The following TRIP11 variants were observed in gnomAD, a reference collection of about 807,000 sequenced individuals.
TRIP11 encodes the protein thyroid receptor-interacting protein 11.
In TRIP11, 148 loss-of-function variants were observed where a neutral mutation model predicts 223.1. That is an observed-to-expected ratio of 0.66 (90% CI 0.58 to 0.76). The LOEUF is 0.76. Among genes scored for constraint, TRIP11 ranks in the 30% least tolerant of loss-of-function variants. TRIP11 has a pLI of 0.00. For synonymous variants in TRIP11, 762 were observed against 772.6 expected (o/e 0.99, Z 0.23); for missense variants, 2,043 against 2,222.0 (o/e 0.92, Z 1.62).
intron 20 of TRIP11, 121 bp from the exon 21 acceptor site, chr14:91,970,014 A>T (rs1310914017): frequency 2.0e-6 from 2 of 1,023,836 alleles, no homozygotes; most frequent in African/African-American, 3.2e-5. Context: ...AGCATAGATA[A>T]ATAAAAATAA....
At chr14:91,970,115 A>C (rs1176544032) in intron 20 of TRIP11, among the ~76,000 whole-genome samples, 1 of 152,190 alleles carries the variant, frequency 6.6e-6, no homozygotes, top group African/African-American at 2.4e-5. Flanking sequence ...TTTATTCAAA[A>C]TGAAAACGCA....
At chr14:91,989,329 GT>G (rs947145359) in intron 15 of TRIP11, among the ~76,000 whole-genome samples, 1 of 149,678 alleles carries the variant, frequency 6.7e-6, no homozygotes, top group East Asian at 2.0e-4. Flanking sequence ...AGGGTCTGTT[GT>G]TTTTTTTTCC....
In TRIP11 at chr14:92,006,455, GAA is replaced by G; in HGVS notation, c.1528-9_1528-8del. 6.2e-7 allele frequency: 1 copy of G among 1,611,444 alleles called. No individual in the cohort carries two copies. Among genetic ancestry groups the G allele is most frequent in the Non-Finnish European group, 8.5e-7 (1 of 1,179,620 alleles). On this transcript the variant is annotated splice_region_variant and splice_polypyrimidine_tract_variant and intron_variant, in intron 10 of 20. Transcript: ENST00000267622. Reference sequence around the variant, plus strand: ...CTTTTATCAAAATCATGTGCTGAAAGAAAAATTTGCATGGTGACTTTACAACA... The same window carrying G: ...CTTTTATCAAAATCATGTGCTGAAAGAAATTTGCATGGTGACTTTACAACA...
chr14:92,004,351 G>A lies in TRIP11; in HGVS notation c.3625C>T (p.Gln1209Ter). The A allele has an allele frequency of 1.2e-6, 2 of 1,614,052 alleles. No homozygotes were observed. Among genetic ancestry groups the A allele is most frequent in the South Asian group, 1.1e-5 (1 of 91,080 alleles). Residue 1209 changes from glutamine to a stop codon, truncating the protein, a stop_gained, in exon 11 of 21, where the codon CAG (glutamine) becomes TAG (stop). Coordinates refer to ENST00000267622, the MANE Select transcript of TRIP11 (RefSeq NM_004239.4). LOFTEE classifies it high-confidence loss of function. ...TGCTGTTTTAACTTGTCACGTTCCT[G>A]TAGAAGCTCCTCAAATTGATTACTA... ...VNSNQFEELL[Q>*]ERDKLKQQVK...
chr14:92,006,829 C>T (rs561708122), intron 10 of TRIP11, among the ~76,000 whole-genome samples: 2 of 151,966 alleles, frequency 1.3e-5, no homozygotes, highest in African/African-American at 2.4e-5. Flanking sequence ...CCACCACACC[C>T]GGCTAATTTT....
rs757078801 is a variant in TRIP11, at chr14:92,025,377, T to A, written c.245A>T (p.His82Leu). Residue 82 changes from histidine to leucine, a missense_variant, in exon 3 of 21, where the codon CAT (histidine) becomes CTT (leucine). Physicochemically the swap from His to Leu is moderately conservative, Grantham distance 99 (BLOSUM62 -3). Transcript: ENST00000267622. The stretch of plus-strand genomic sequence containing the variant: ...CTTTATTTGAATCTCTGATGCTTCA[T>A]GTTTCTCTTCTAGATCAGTACAAAG... ...KKLCTDLEEK[H>L]EASEIQIKQQ... 2.5e-6 allele frequency: 4 copies of A among 1,613,566 alleles called. No homozygotes were observed. The African/African-American group carries it at 4.0e-5, about 16-fold the overall frequency.
In TRIP11 at chr14:91,968,629, A is replaced by G. The variant is rs141846781; in HGVS notation, c.*1044T>C. The G allele has an allele frequency of 1.9e-3, 423 of 223,540 alleles. 1 individual carries two copies. The highest frequency in any genetic ancestry group is 8.8e-3 in the African/African-American group (393 of 44,834). 13.8% of individuals were successfully genotyped at this position (223,540 alleles called of 1,614,324 possible). A position where few individuals can be genotyped will look rare whatever the true frequency, so the allele number is the denominator to read the frequency against. Reference sequence around the variant, plus strand: ...TTTAAGATGGTATCTTTAAATAGATACCTTAGCTGTTAAAACTAAGTGATA... The same window carrying G: ...TTTAAGATGGTATCTTTAAATAGATGCCTTAGCTGTTAAAACTAAGTGATA... On this transcript the variant is annotated 3_prime_UTR_variant, in exon 21 of 21. Transcript: ENST00000267622.
chr14:91,988,206 G>A, intron 16 of TRIP11, 78 bp downstream of exon 16: 9 of 1,180,588 alleles, frequency 7.6e-6, no homozygotes, highest in Non-Finnish European at 1.1e-5. Flanking sequence ...ACTCAACTAT[G>A]CCAATTTATG....
chr14:92,015,106 G>A (rs775777551), intron 6 of TRIP11, among the ~76,000 whole-genome samples: 26 of 151,950 alleles, frequency 1.7e-4, no homozygotes, highest in Admixed American at 1.3e-4. Context: ...ATTTCGCCAT[G>A]TTGGCCAGGC....
chr14:91,998,604 C>T (rs997528460), intron 13 of TRIP11, among the ~76,000 whole-genome samples: 1 of 151,320 alleles, frequency 6.6e-6, no homozygotes, highest in Admixed American at 6.6e-5. Context: ...TATAAAAAGG[C>T]ACACAAAAAG....
In TRIP11 at chr14:91,969,645, G is replaced by C; in HGVS notation, c.*28C>G. The C allele has an allele frequency of 6.2e-7, 1 of 1,605,520 alleles. No homozygotes were observed. Among genetic ancestry groups the C allele is most frequent in the Non-Finnish European group, 8.5e-7 (1 of 1,173,926 alleles). ...ATAGTGTTCATGGTTTCTTTAAAGTGCTAGATTGTCTCTGGCTTGAGAATC... is the reference window on the plus strand; with the variant it reads ...ATAGTGTTCATGGTTTCTTTAAAGTCCTAGATTGTCTCTGGCTTGAGAATC... On this transcript the variant is annotated 3_prime_UTR_variant, in exon 21 of 21. Coordinates refer to ENST00000267622, the MANE Select transcript of TRIP11 (RefSeq NM_004239.4).
intron 3 of TRIP11, 87 bp from the exon 4 acceptor site, chr14:92,021,918 C>T (rs544942059): frequency 1.4e-6 from 2 of 1,418,190 alleles, no homozygotes; most frequent in African/African-American, 1.4e-5. Flanking sequence ...AGACACAATA[C>T]AATAATTTGT....
intron 18 of TRIP11, 89 bp downstream of exon 18, chr14:91,975,083 A>C: frequency 8.2e-7 from 1 of 1,217,014 alleles, no homozygotes; most frequent in Non-Finnish European, 1.2e-6. Flanking sequence ...ACACTCAGTA[A>C]AAGTTACATA....
intron 19 of TRIP11, 59 bp downstream of exon 19, chr14:91,974,568 G>A (rs1252720810): frequency 3.1e-5 from 40 of 1,300,054 alleles, no homozygotes; most frequent in Non-Finnish European, 4.0e-5. Flanking sequence ...CTTTGCAAAT[G>A]AATGTAATAT....
At chr14:91,981,902 G>A (rs1270337758) in intron 16 of TRIP11, among the ~76,000 whole-genome samples, 1 of 151,466 alleles carries the variant, frequency 6.6e-6, no homozygotes, top group Non-Finnish European at 1.5e-5. Flanking sequence ...ATCATTTGAT[G>A]CCAGGAGTTC....
Position 92,008,043 on chromosome 14 carries a change from G to A in TRIP11, c.1315-191C>T, listed in dbSNP as rs149110979. ...CCTTCATTCATGTGCAATTTTACTT[G>A]TAGCTTCAAGCAAAACATTTCTATA... On this transcript the variant is annotated intron_variant, in intron 9 of 20. Coordinates refer to ENST00000267622, the MANE Select transcript of TRIP11 (RefSeq NM_004239.4). Among the ~76,000 whole-genome samples, 487 of 152,238 alleles carry A rather than the reference G, an allele frequency of 3.2e-3. 4 individuals carry two copies. The highest frequency in any genetic ancestry group is 0.011 in the African/African-American group (451 of 41,526).
At chr14:92,002,799 T>C (rs1005285462) in intron 11 of TRIP11, among the ~76,000 whole-genome samples, 1 of 152,094 alleles carries the variant, frequency 6.6e-6, no homozygotes, top group Admixed American at 6.5e-5. Context: ...CAGGCTGGTC[T>C]CAAACTCCTG....
chr14:92,030,106 A>T (rs2057244688), intron 2 of TRIP11, among the ~76,000 whole-genome samples: 1 of 148,200 alleles, frequency 6.7e-6, no homozygotes, highest in Admixed American at 6.8e-5. Context: ...CTGAGGCAGG[A>T]GAATGGCGTG....
chr14:91,974,501 T>C, intron 19 of TRIP11, 126 bp downstream of exon 19: 1 of 783,902 alleles, frequency 1.3e-6, no homozygotes. Context: ...GGAACTCAGT[T>C]TCTGCAACTT....
Sources: gnomAD v4.1 joint callset for allele counts (sites outside exome capture counted in the v4.1 genomes callset) on GRCh38, gnomAD v4.1.1 for gene constraint, MANE v1.5 for transcripts, NCBI Gene and HGNC (gene_info 2026-07-23, HGNC 2026-07-21) for gene names.